EXOC4: variants seen among roughly 807,000 people sequenced by gnomAD.
The protein encoded by EXOC4 is SEC8-like 1.
A neutral mutation model predicts 107.2 loss-of-function variants in EXOC4; 71 were observed. That is an observed-to-expected ratio of 0.66 (90% CI 0.55 to 0.81). The LOEUF is 0.81. Among genes scored for constraint, EXOC4 ranks in the 30% least tolerant of loss-of-function variants. The pLI, the probability that EXOC4 is intolerant of heterozygous loss-of-function variation, is 0.00. For synonymous variants in EXOC4, 456 were observed against 441.2 expected (o/e 1.03, Z -0.42); for missense variants, 1,108 against 1,189.6 (o/e 0.93, Z 1.01).
intron 11 of EXOC4, among the ~76,000 whole-genome samples, chr7:133,858,338 T>G (rs1325118458): frequency 2.6e-5 from 4 of 152,132 alleles, no homozygotes; most frequent in Non-Finnish European, 4.4e-5. Flanking sequence ...TGGTTGAGTC[T>G]GGGGGTTTTT....
At chr7:133,527,904 C>A (rs1800110494) in intron 9 of EXOC4, among the ~76,000 whole-genome samples, 1 of 152,134 alleles carries the variant, frequency 6.6e-6, no homozygotes, top group Non-Finnish European at 1.5e-5. Context: ...ATGCTTACTT[C>A]CTTTTTGTAC....
chr7:133,506,917 A>G (rs1294247428), intron 9 of EXOC4, among the ~76,000 whole-genome samples: 2 of 151,938 alleles, frequency 1.3e-5, no homozygotes, highest in Non-Finnish European at 2.9e-5. Context: ...TTTTTATTGG[A>G]CTTTTTTTTA....
At chr7:133,334,152 A>C (rs925798109) in intron 5 of EXOC4, among the ~76,000 whole-genome samples, 3 of 152,176 alleles carry the variant, frequency 2.0e-5, no homozygotes, top group African/African-American at 7.2e-5. Flanking sequence ...GTGGGGGTAC[A>C]TCGGAAGCAT....
chr7:133,323,188 T>C (rs1184920184), intron 5 of EXOC4, among the ~76,000 whole-genome samples: 3 of 152,176 alleles, frequency 2.0e-5, no homozygotes, highest in African/African-American at 4.8e-5. Context: ...CTTTTCCTAA[T>C]TGAATACCCT....
At chr7:133,345,777 A>G (rs1354234700) in intron 5 of EXOC4, among the ~76,000 whole-genome samples, 1 of 152,162 alleles carries the variant, frequency 6.6e-6, no homozygotes, top group Non-Finnish European at 1.5e-5. Flanking sequence ...TCCCTGCGCA[A>G]ACTCCTCACT....
chr7:133,581,880 A>G (rs1801284778), intron 9 of EXOC4, among the ~76,000 whole-genome samples: 1 of 152,110 alleles, frequency 6.6e-6, no homozygotes, highest in Non-Finnish European at 1.5e-5. Flanking sequence ...CTCATGGCAG[A>G]AGGCAAAGGG....
chr7:133,783,696 A>G (rs1158909959), intron 10 of EXOC4, among the ~76,000 whole-genome samples: 1 of 152,220 alleles, frequency 6.6e-6, no homozygotes, highest in African/African-American at 2.4e-5. Context: ...TTGGAAAGGA[A>G]GAAGGTTTAG....
At chr7:133,410,484 C>CA (rs1797332347) in intron 7 of EXOC4, among the ~76,000 whole-genome samples, 7 of 152,080 alleles carry the variant, frequency 4.6e-5, no homozygotes, top group Admixed American at 4.6e-4. Context: ...TTATTTTTTA[C>CA]AACACAATCA....
chr7:133,379,113 C>A (rs530279325), intron 7 of EXOC4, among the ~76,000 whole-genome samples: 48 of 152,204 alleles, frequency 3.2e-4, no homozygotes, highest in African/African-American at 1.1e-3. Context: ...CGTTTTACCA[C>A]TTTTTTCCTG....
chr7:133,661,172 C>T (rs868332421), intron 10 of EXOC4, among the ~76,000 whole-genome samples: 29 of 152,206 alleles, frequency 1.9e-4, no homozygotes, highest in African/African-American at 6.3e-4. Context: ...AGGATGGGAA[C>T]CTACCTTCCA....
chr7:133,955,051 G>A (rs941322465), intron 14 of EXOC4, among the ~76,000 whole-genome samples: 10 of 152,222 alleles, frequency 6.6e-5, no homozygotes, highest in South Asian at 2.1e-4. Context: ...CCAAGGGGCC[G>A]CAGCTCTTCT....
At chr7:133,606,922 A>G (rs909791684) in intron 9 of EXOC4, among the ~76,000 whole-genome samples, 6 of 152,052 alleles carry the variant, frequency 3.9e-5, no homozygotes, top group Non-Finnish European at 8.8e-5. Context: ...AAAAATTCCC[A>G]TACTTTCGGA....
chr7:134,008,577 C>A (rs966235664), intron 17 of EXOC4, among the ~76,000 whole-genome samples: 5 of 152,064 alleles, frequency 3.3e-5, no homozygotes, highest in African/African-American at 1.2e-4. Flanking sequence ...AAACCCATCT[C>A]TTCTTGTTCT....
chr7:133,602,602 C>T (rs1414079102), intron 9 of EXOC4, among the ~76,000 whole-genome samples: 1 of 152,192 alleles, frequency 6.6e-6, no homozygotes, highest in East Asian at 1.9e-4. Flanking sequence ...GGGAATGTTT[C>T]CTAAAGCCTA....
intron 7 of EXOC4, among the ~76,000 whole-genome samples, chr7:133,443,309 A>G (rs749147955): frequency 3.9e-5 from 6 of 152,100 alleles, no homozygotes; most frequent in Non-Finnish European, 5.9e-5. Context: ...GGCCCAGGGC[A>G]AGGGGAAAGA....
At chr7:133,303,425 C>T (rs1464596569) in intron 3 of EXOC4, among the ~76,000 whole-genome samples, 1 of 152,052 alleles carries the variant, frequency 6.6e-6, no homozygotes, top group Non-Finnish European at 1.5e-5. Flanking sequence ...CACGGCAAGA[C>T]TCCATCTCAA....
chr7:133,854,437 CACACACACACACAT>C (rs1204143940), intron 11 of EXOC4, among the ~76,000 whole-genome samples: 6 of 151,642 alleles, frequency 4.0e-5, no homozygotes, highest in South Asian at 2.1e-4. Context: ...CACACACACA[CACACACACACACAT>C]ACATTTTAAT....
At chr7:133,692,410 A>C (rs1007329449) in intron 10 of EXOC4, among the ~76,000 whole-genome samples, 3 of 152,112 alleles carry the variant, frequency 2.0e-5, no homozygotes, top group Admixed American at 6.5e-5. Flanking sequence ...TGTCTCCCCT[A>C]ACTGAGCTCA....
At chr7:134,056,353 A>G (rs1196806903) in intron 17 of EXOC4, among the ~76,000 whole-genome samples, 2 of 152,242 alleles carry the variant, frequency 1.3e-5, no homozygotes, top group African/African-American at 4.8e-5. Flanking sequence ...ACAATTATGA[A>G]AGTAAAATGA....
Sources: allele counts gnomAD v4.1 joint callset (sites outside exome capture counted in the v4.1 genomes callset), GRCh38; gene constraint gnomAD v4.1.1; transcripts MANE v1.5; gene names NCBI Gene and HGNC (gene_info 2026-07-23, HGNC 2026-07-21).